TBC1D2B: variants seen among roughly 807,000 people sequenced by gnomAD.
The protein encoded by TBC1D2B is TBC1 domain family member 2B, also known as TBC1 domain family, member 2B.
A neutral mutation model predicts 100.8 loss-of-function variants in TBC1D2B; 64 were observed. That is an observed-to-expected ratio of 0.64 (90% CI 0.52 to 0.78). The LOEUF (loss-of-function observed/expected upper bound fraction) is 0.78, where lower values mean the gene tolerates loss of function less well. Among genes scored for constraint, TBC1D2B ranks in the 30% least tolerant of loss-of-function variants. The pLI is 0.00. For missense variants in TBC1D2B, 1,052 were observed against 1,218.4 expected, an observed-to-expected ratio of 0.86 and a Z score of 2.03; for synonymous variants, 480 against 479.7, an observed-to-expected ratio of 1.00 and a Z score of -0.01.
At chr15:78,049,418 A>G (rs1184163666) in intron 2 of TBC1D2B, among the ~76,000 whole-genome samples, 1 of 152,220 alleles carries the variant, frequency 6.6e-6, no homozygotes, top group Admixed American at 6.5e-5. Flanking sequence ...CAAAAGGCCA[A>G]TTGGGCAGAA....
rs1315090440 is a variant in TBC1D2B, at chr15:78,077,578, C to T, written c.75G>A (p.Glu25=). ...GEGAAQGAAA[E]PGAGPAREPA... The stretch of plus-strand genomic sequence containing the variant: ...GCTCCCGCGCCGGACCCGCCCCGGG[C>T]TCCGCGGCCGCCCCCTGCGCCGCGC... Residue 25 remains glutamate (E), a synonymous_variant, in exon 1 of 13, where the codon GAG becomes GAA. Coordinates refer to ENST00000300584, the MANE Select transcript of TBC1D2B (RefSeq NM_144572.2). 1.5e-6 allele frequency: 2 copies of T among 1,374,696 alleles called. No individual in the cohort carries two copies. Among genetic ancestry groups the T allele is most frequent in the African/African-American group, 3.0e-5 (2 of 65,728 alleles). The allele number at this position is 1,374,696 out of a possible 1,614,324, so 85.2% of individuals were successfully genotyped here. A position where few individuals can be genotyped will look rare whatever the true frequency, so the allele number is the denominator to read the frequency against.
chr15:78,044,789 A>C, intron 3 of TBC1D2B, 111 bp downstream of exon 3: 3 of 981,956 alleles, frequency 3.1e-6, no homozygotes, highest in Non-Finnish European at 4.4e-6. Context: ...TGTAAACAAC[A>C]AAGGCCTTTG....
At chr15:78,007,863 G>A (rs530931758) in intron 10 of TBC1D2B, among the ~76,000 whole-genome samples, 5 of 152,326 alleles carry the variant, frequency 3.3e-5, no homozygotes, top group African/African-American at 4.8e-5. Flanking sequence ...GGCAGTGCCC[G>A]AGATGGGGAG....
In TBC1D2B at chr15:78,025,430, T is replaced by C; in HGVS notation, c.915A>G (p.Lys305=). ...RNPYKGKRPL[K]DIIGSYKNRH... is the part of the protein sequence containing the mutation. ...GATTTTTGTACGACCCAATTATGTC[T>C]TTCAAAGGGCGCTTTCCTTTGTAGG... Residue 305 remains lysine, a synonymous_variant, in exon 5 of 13, where the codon AAA becomes AAG. Transcript: ENST00000300584. The C allele has an allele frequency of 6.2e-7, 1 of 1,614,008 alleles. No homozygotes were observed.
intron 2 of TBC1D2B, among the ~76,000 whole-genome samples, chr15:78,050,537 C>T (rs1030030949): frequency 2.6e-5 from 4 of 152,180 alleles, no homozygotes; most frequent in Admixed American, 6.5e-5. Flanking sequence ...TTTATGGGCA[C>T]CTCCTTTGGG....
At chr15:78,069,617 A>C (rs2073714377) in intron 1 of TBC1D2B, among the ~76,000 whole-genome samples, 1 of 152,226 alleles carries the variant, frequency 6.6e-6, no homozygotes, top group Non-Finnish European at 1.5e-5. Flanking sequence ...ACTAAGAGGG[A>C]AGCCTTGTGG....
chr15:78,055,090 T>C (rs1308621007), intron 1 of TBC1D2B, among the ~76,000 whole-genome samples: 1 of 152,198 alleles, frequency 6.6e-6, no homozygotes, highest in Non-Finnish European at 1.5e-5. Context: ...ATATACTGTA[T>C]GATGCCACTT....
intron 11 of TBC1D2B, chr15:78,001,988 G>C: frequency 3.4e-6 from 1 of 290,740 alleles, no homozygotes. Context: ...CTCCTTATAG[G>C]AGATCTTTGT....
chr15:78,022,977 A>G (rs1383770669), intron 6 of TBC1D2B, among the ~76,000 whole-genome samples: 1 of 152,180 alleles, frequency 6.6e-6, no homozygotes, highest in African/African-American at 2.4e-5. Flanking sequence ...GTCAGTGAGA[A>G]GTGGTCACTA....
At chr15:78,044,864 A>C in intron 3 of TBC1D2B, 36 bp downstream of exon 3, 1 of 1,538,244 alleles carries the variant, frequency 6.5e-7, no homozygotes, top group Non-Finnish European at 8.8e-7. Flanking sequence ...GAAACAACCC[A>C]TTTTCAATTT....
At chr15:78,024,008 G>T in intron 6 of TBC1D2B, 148 bp downstream of exon 6, 2 of 1,003,922 alleles carry the variant, frequency 2.0e-6, no homozygotes, top group Non-Finnish European at 2.8e-6. Context: ...ATGATTATTT[G>T]ATGGTAAGTC....
intron 3 of TBC1D2B, among the ~76,000 whole-genome samples, chr15:78,031,537 G>A (rs1261033979): frequency 9.7e-6 from 1 of 103,500 alleles, no homozygotes; most frequent in Admixed American, 1.6e-4. Context: ...CTGGGCGATA[G>A]AGCAAGACTC....
chr15:78,050,714 AAT>A (rs2073296075), intron 2 of TBC1D2B, among the ~76,000 whole-genome samples: 1 of 152,238 alleles, frequency 6.6e-6, no homozygotes, highest in South Asian at 2.1e-4. Flanking sequence ...CAGGCTACAA[AAT>A]AGAGGGCAGA....
chr15:78,018,965 T>A (rs2072444763), intron 6 of TBC1D2B, among the ~76,000 whole-genome samples: 1 of 152,178 alleles, frequency 6.6e-6, no homozygotes, highest in Non-Finnish European at 1.5e-5. Flanking sequence ...TCTTTTATAA[T>A]CTGACAGGCT....
At position 78,017,966 on chromosome 15, in the gene TBC1D2B, A is replaced by G; in HGVS notation, c.1471-9T>C. 1 of 1,290,056 alleles carries G rather than the reference A, an allele frequency of 7.8e-7. No homozygotes were observed. The highest frequency in any genetic ancestry group is 1.1e-6 in the Non-Finnish European group (1 of 937,872). 79.9% of individuals were successfully genotyped at this position (1,290,056 alleles called of 1,614,324 possible). ...TACCCCTGTAGATTATCCTGTTAGAAAAAAAAAAAATCCCTGAATTCACAT... is the reference window on the plus strand; with the variant it reads ...TACCCCTGTAGATTATCCTGTTAGAGAAAAAAAAAATCCCTGAATTCACAT... On this transcript the variant is annotated splice_polypyrimidine_tract_variant and intron_variant, in intron 6 of 12. Coordinates refer to ENST00000300584, the MANE Select transcript of TBC1D2B (RefSeq NM_144572.2).
At chr15:78,066,710 T>C (rs1036227067) in intron 1 of TBC1D2B, among the ~76,000 whole-genome samples, 1 of 152,358 alleles carries the variant, frequency 6.6e-6, no homozygotes, top group South Asian at 2.1e-4. Flanking sequence ...GTAAACAGTA[T>C]AAAAAGTGGT....
intron 6 of TBC1D2B, among the ~76,000 whole-genome samples, chr15:78,021,749 TGTTAA>T (rs111278455): frequency 0.054 from 8,208 of 152,260 alleles, 275 homozygotes; most frequent in Middle Eastern, 0.13. Flanking sequence ...TTGCTAAACT[TGTTAA>T]GTTGAGAAAT....
intron 1 of TBC1D2B, among the ~76,000 whole-genome samples, chr15:78,071,505 T>C (rs192187208): frequency 1.3e-5 from 2 of 152,328 alleles, no homozygotes; most frequent in East Asian, 3.9e-4. Flanking sequence ...CTTGGAGTCC[T>C]GACCATGGGC....
At chr15:78,052,482 T>C (rs2073333453) in intron 2 of TBC1D2B, among the ~76,000 whole-genome samples, 1 of 152,184 alleles carries the variant, frequency 6.6e-6, no homozygotes, top group Admixed American at 6.5e-5. Flanking sequence ...CTAAATTCCA[T>C]ACCTGGAGTC....
Sources: gnomAD v4.1 joint callset for allele counts (sites outside exome capture counted in the v4.1 genomes callset) on GRCh38, gnomAD v4.1.1 for gene constraint, MANE v1.5 for transcripts, NCBI Gene and HGNC (gene_info 2026-07-23, HGNC 2026-07-21) for gene names.